SHANK2: variants seen among roughly 807,000 people sequenced by gnomAD.
SHANK2 encodes the protein SH3 and multiple ankyrin repeat domains 2.
A neutral mutation model predicts 133.7 loss-of-function variants in SHANK2; 43 were observed. The ratio of observed to expected loss-of-function variants is 0.32; its 90% CI spans 0.25 to 0.41. The LOEUF (loss-of-function observed/expected upper bound fraction) is 0.41. SHANK2 is among the 10% of genes least tolerant of loss of function. The pLI is 1.00. For synonymous variants in SHANK2, 1,017 were observed against 952.8 expected, an observed-to-expected ratio of 1.07 and a Z score of -1.24; for missense variants, 1,994 against 2,235.8, an observed-to-expected ratio of 0.89 and a Z score of 2.18.
At chr11:70,945,617 C>A (rs782027959) in intron 10 of SHANK2, among the ~76,000 whole-genome samples, 7 of 152,202 alleles carry the variant, frequency 4.6e-5, no homozygotes, top group Non-Finnish European at 1.0e-4. Flanking sequence ...TCATGGAGAG[C>A]CTTGACCCGC....
chr11:71,137,299 TAAAAAA>T (rs10534209), intron 3 of SHANK2, among the ~76,000 whole-genome samples: 1 of 112,776 alleles, frequency 8.9e-6, no homozygotes. Flanking sequence ...AATCCTTACT[TAAAAAA>T]AAAAAAAAAA....
chr11:70,768,640 T>C (rs536061987), intron 14 of SHANK2, among the ~76,000 whole-genome samples: 1 of 152,302 alleles, frequency 6.6e-6, no homozygotes, highest in East Asian at 1.9e-4. Context: ...GAGTTATTTA[T>C]CTTGCAAAGG....
intron 17 of SHANK2, among the ~76,000 whole-genome samples, chr11:70,625,810 GAAAAAAAA>G (rs34147403): frequency 9.7e-5 from 4 of 41,380 alleles, no homozygotes; most frequent in South Asian, 1.1e-3. Context: ...GTGCAAAAAT[GAAAAAAAA>G]AAAAAAAAAA....
chr11:70,939,237 G>T (rs1039652616), intron 10 of SHANK2, among the ~76,000 whole-genome samples: 23 of 152,162 alleles, frequency 1.5e-4, no homozygotes, highest in African/African-American at 5.6e-4. Flanking sequence ...CATGTTGGGA[G>T]GCCAAGGCGG....
At chr11:70,861,041 G>A (rs782301082) in intron 11 of SHANK2, among the ~76,000 whole-genome samples, 4 of 152,160 alleles carry the variant, frequency 2.6e-5, no homozygotes, top group East Asian at 1.9e-4. Context: ...TGGCCTTTCC[G>A]GGCCCCCTTG....
chr11:70,658,914 G>T (rs1226308749), intron 17 of SHANK2, among the ~76,000 whole-genome samples: 5 of 152,230 alleles, frequency 3.3e-5, no homozygotes, highest in African/African-American at 1.2e-4. Context: ...TGGGCTCAGG[G>T]TGACATGGAA....
chr11:71,061,632 C>G, intron 9 of SHANK2, among the ~76,000 whole-genome samples: 1 of 152,180 alleles, frequency 6.6e-6, no homozygotes, highest in Non-Finnish European at 1.5e-5. Context: ...GGAAAGTAAC[C>G]CCTGATCCCC....
chr11:70,478,086 G>A (rs1467225861), intron 25 of SHANK2, among the ~76,000 whole-genome samples: 2 of 152,134 alleles, frequency 1.3e-5, no homozygotes, highest in Non-Finnish European at 2.9e-5. Context: ...CACTCAGAGA[G>A]GTGCTCTTAT....
chr11:70,822,756 G>A (rs1555056315), intron 11 of SHANK2, among the ~76,000 whole-genome samples: 1 of 124,310 alleles, frequency 8.0e-6, no homozygotes, highest in East Asian at 2.5e-4. Context: ...GACAGAGGTG[G>A]CGCTGGCAGA....
At chr11:71,244,795 C>T (rs75669386) in intron 1 of SHANK2, among the ~76,000 whole-genome samples, 31 of 152,106 alleles carry the variant, frequency 2.0e-4, no homozygotes, top group Non-Finnish European at 4.0e-4. Flanking sequence ...CTCCGCCTGC[C>T]GGGTTCAAGT....
At chr11:70,850,425 CT>C (rs1269752037) in intron 11 of SHANK2, among the ~76,000 whole-genome samples, 6 of 152,208 alleles carry the variant, frequency 3.9e-5, no homozygotes, top group African/African-American at 1.4e-4. Context: ...GATGCTCATA[CT>C]CACTGGGGGC....
chr11:70,571,748 C>T (rs192858876), intron 17 of SHANK2, among the ~76,000 whole-genome samples: 23 of 151,928 alleles, frequency 1.5e-4, no homozygotes, highest in Non-Finnish European at 8.8e-5. Context: ...GAGGGTGGTG[C>T]GTGCAGGGAG....
At chr11:70,906,906 T>C (rs782238443) in intron 10 of SHANK2, among the ~76,000 whole-genome samples, 1 of 152,204 alleles carries the variant, frequency 6.6e-6, no homozygotes, top group African/African-American at 2.4e-5. Context: ...TTGAGGCCTA[T>C]GTCGTTCCAG....
chr11:71,180,535 T>C (rs929759942), intron 2 of SHANK2, among the ~76,000 whole-genome samples: 26 of 151,988 alleles, frequency 1.7e-4, no homozygotes, highest in African/African-American at 6.0e-4. Flanking sequence ...AGTGAAAGTC[T>C]AGGTTGCAAA....
At chr11:71,108,231 G>A (rs1032616543) in intron 6 of SHANK2, among the ~76,000 whole-genome samples, 13 of 152,220 alleles carry the variant, frequency 8.5e-5, no homozygotes, top group Non-Finnish European at 1.2e-4. Flanking sequence ...GGCCATCACT[G>A]AAGAGAAGCT....
intron 15 of SHANK2, chr11:70,667,846 G>C (rs552946379): frequency 1.4e-4 from 21 of 152,294 alleles, no homozygotes; most frequent in African/African-American, 4.6e-4. Flanking sequence ...AGTGTTATTG[G>C]GGTAGACCAG....
intron 6 of SHANK2, among the ~76,000 whole-genome samples, chr11:71,095,637 A>G (rs1951596826): frequency 6.6e-6 from 1 of 151,914 alleles, no homozygotes; most frequent in African/African-American, 2.4e-5. Context: ...CTGACCCCTC[A>G]CCCCATCCCA....
chr11:70,790,421 G>T (rs1213222063), intron 14 of SHANK2, among the ~76,000 whole-genome samples: 5 of 152,232 alleles, frequency 3.3e-5, no homozygotes, highest in Non-Finnish European at 4.4e-5. Flanking sequence ...TGCTGGGAGG[G>T]TATTTTGTAG....
At chr11:70,613,290 G>C (rs941889288) in intron 17 of SHANK2, among the ~76,000 whole-genome samples, 2 of 151,838 alleles carry the variant, frequency 1.3e-5, no homozygotes, top group African/African-American at 4.8e-5. Context: ...TGCCAGCTCC[G>C]CCTCCCAGGT....
Sources: allele counts gnomAD v4.1 joint callset (sites outside exome capture counted in the v4.1 genomes callset), GRCh38; gene constraint gnomAD v4.1.1; transcripts MANE v1.5; gene names NCBI Gene and HGNC (gene_info 2026-07-23, HGNC 2026-07-21).